KALRN: variants seen among roughly 807,000 people sequenced by gnomAD.
KALRN encodes the protein kalirin.
KALRN carries 70 observed loss-of-function variants against 353.7 expected under a neutral mutation model. The observed-to-expected ratio is 0.20, with a 90% CI of 0.16 to 0.24. The LOEUF is 0.24. Among genes scored for constraint, KALRN ranks in the 10% least tolerant of loss-of-function variants. The pLI, the probability that KALRN is intolerant of heterozygous loss-of-function variation, is 1.00. For missense variants in KALRN, 2,791 were observed against 3,756.7 expected (o/e 0.74, Z 6.72); for synonymous variants, 1,391 against 1,434.8 (o/e 0.97, Z 0.69).
intron 1 of KALRN, among the ~76,000 whole-genome samples, chr3:124,106,658 G>T (rs565601637): frequency 6.6e-6 from 1 of 152,270 alleles, no homozygotes; most frequent in Admixed American, 6.5e-5. Flanking sequence ...TGGAAAATAA[G>T]AAAGATGAAG....
At chr3:124,189,262 G>A (rs2074609602) in intron 1 of KALRN, among the ~76,000 whole-genome samples, 1 of 152,182 alleles carries the variant, frequency 6.6e-6, no homozygotes, top group African/African-American at 2.4e-5. Flanking sequence ...CATGTTCCAG[G>A]GAAGATTGAA....
At chr3:124,655,524 C>A in intron 38 of KALRN, 77 bp from the exon 39 acceptor site, 1 of 1,203,718 alleles carries the variant, frequency 8.3e-7, no homozygotes, top group Non-Finnish European at 1.2e-6. Flanking sequence ...GCCAAAGTAA[C>A]TTTTCTGTGA....
At chr3:124,057,266 C>T (rs1033261186) in intron 1 of KALRN, among the ~76,000 whole-genome samples, 9 of 152,074 alleles carry the variant, frequency 5.9e-5, no homozygotes, top group African/African-American at 2.2e-4. Flanking sequence ...GGTATGAGTA[C>T]ATTATTCTGG....
intron 45 of KALRN, among the ~76,000 whole-genome samples, chr3:124,665,455 A>T (rs955418480): frequency 5.9e-5 from 9 of 152,028 alleles, no homozygotes; most frequent in Non-Finnish European, 1.2e-4. Flanking sequence ...TTAGTTTTTT[A>T]AAATTTATTC....
In KALRN at chr3:124,697,656, G is replaced by A. The variant is rs374214808; in HGVS notation, c.7763G>A (p.Arg2588His). Residue 2588 changes from arginine to histidine, a missense_variant, in exon 55 of 60, where the codon CGC becomes CAC. This residue lies in a region of KALRN where 1,065 missense variants were observed against 1,156.4 expected (regional missense o/e 0.92). Transcript: ENST00000682506. ...AGAAGCTGCACCTCCGTGATTCTCC[G>A]CTGGCTGCCCCCCTCCAGCACAGGA... ...QERSCTSVIL[R>H]WLPPSSTGNC... is the part of the protein sequence containing the mutation. The A allele has an allele frequency of 8.3e-5, 134 of 1,608,744 alleles. No individual in the cohort carries two copies. The highest frequency in any genetic ancestry group is 3.6e-4 in the South Asian group (32 of 89,830).
intron 34 of KALRN, among the ~76,000 whole-genome samples, chr3:124,566,444 G>T (rs969050627): frequency 6.6e-6 from 1 of 151,814 alleles, no homozygotes; most frequent in Non-Finnish European, 1.5e-5. Context: ...GGCTGAGGCT[G>T]CAGTGAGCCA....
intron 34 of KALRN, among the ~76,000 whole-genome samples, chr3:124,601,238 T>C (rs2076773980): frequency 6.6e-6 from 1 of 152,232 alleles, no homozygotes; most frequent in Non-Finnish European, 1.5e-5. Context: ...CTTAGGGTAG[T>C]TCCTGGCTAC....
At chr3:124,271,847 C>T (rs180893192) in intron 5 of KALRN, among the ~76,000 whole-genome samples, 38 of 152,284 alleles carry the variant, frequency 2.5e-4, no homozygotes, top group Middle Eastern at 3.4e-3. Context: ...GCATATGGAC[C>T]CCTTCTCAGA....
chr3:124,334,136 G>A lies in KALRN; in HGVS notation c.1417-129G>A, dbSNP rs2080883383. The A allele has an allele frequency of 1.3e-6, 1 of 775,636 alleles. No homozygotes were observed. Among genetic ancestry groups the A allele is most frequent in the African/African-American group, 1.7e-5 (1 of 58,650 alleles). The allele number at this position is 775,636 out of a possible 1,614,324, so 48.0% of individuals were successfully genotyped here. A position where few individuals can be genotyped will look rare whatever the true frequency, so the allele number is the denominator to read the frequency against. ...CCATGGCAGCTCTGGCTGGCTAGGT[G>A]TCTGGGTATGGAATGCCTGAGATTC... On this transcript the variant is annotated intron_variant, in intron 8 of 59. Coordinates refer to ENST00000682506, the MANE Select transcript of KALRN (RefSeq NM_001388419.1). The surrounding 1 kb of genome is among the most constrained non-coding windows in gnomAD (Gnocchi z 4.2).
intron 6 of KALRN, among the ~76,000 whole-genome samples, chr3:124,302,986 G>A (rs1334093753): frequency 6.6e-6 from 1 of 152,070 alleles, no homozygotes; most frequent in African/African-American, 2.4e-5. Flanking sequence ...GTTTTTAATG[G>A]TACTTGGGGG....
At chr3:124,403,129 C>T (rs563226074) in intron 13 of KALRN, among the ~76,000 whole-genome samples, 6 of 152,312 alleles carry the variant, frequency 3.9e-5, no homozygotes, top group Non-Finnish European at 7.4e-5. Context: ...CTCCTACCTT[C>T]CCCCCTTCCC....
intron 21 of KALRN, among the ~76,000 whole-genome samples, chr3:124,449,472 A>G (rs1013623508): frequency 6.6e-6 from 1 of 152,234 alleles, no homozygotes; most frequent in African/African-American, 2.4e-5. Context: ...CAAAATGTAT[A>G]AGGGGTCAAG....
chr3:124,287,728 G>A (rs1053780625), intron 5 of KALRN, among the ~76,000 whole-genome samples: 1 of 115,738 alleles, frequency 8.6e-6, no homozygotes, highest in African/African-American at 3.3e-5. Context: ...GTTACCTGGA[G>A]AGCTTCTATG....
intron 6 of KALRN, among the ~76,000 whole-genome samples, chr3:124,325,535 T>C (rs1338760614): frequency 6.6e-6 from 1 of 152,124 alleles, no homozygotes; most frequent in African/African-American, 2.4e-5. Flanking sequence ...CTGTTTGTTG[T>C]ATGTAGATGG....
intron 13 of KALRN, among the ~76,000 whole-genome samples, chr3:124,401,517 AAAAT>A (rs895508714): frequency 1.3e-5 from 2 of 152,332 alleles, no homozygotes. Flanking sequence ...AAAAAAATAA[AAAAT>A]AAACAAATAA....
At chr3:124,276,443 G>A (rs1313568534) in intron 5 of KALRN, among the ~76,000 whole-genome samples, 1 of 152,128 alleles carries the variant, frequency 6.6e-6, no homozygotes, top group Non-Finnish European at 1.5e-5. Context: ...AGGACCCAAA[G>A]TCTTATCCTG....
At chr3:124,667,715 A>C (rs572015073) in intron 47 of KALRN, among the ~76,000 whole-genome samples, 21 of 152,348 alleles carry the variant, frequency 1.4e-4, no homozygotes, top group South Asian at 1.0e-3. Context: ...TAATACCCTG[A>C]AACTTCCTAG....
At chr3:124,558,077 C>G (rs1311753118) in intron 33 of KALRN, among the ~76,000 whole-genome samples, 2 of 151,924 alleles carry the variant, frequency 1.3e-5, no homozygotes, top group Non-Finnish European at 2.9e-5. Flanking sequence ...CCCTAGTGAG[C>G]CTCAGGGTCA....
chr3:124,138,503 G>C (rs1402466385), intron 1 of KALRN, among the ~76,000 whole-genome samples: 1 of 152,194 alleles, frequency 6.6e-6, no homozygotes, highest in East Asian at 1.9e-4. Flanking sequence ...CAGACAAGCA[G>C]ATCAAAGAGC....
Sources: allele counts gnomAD v4.1 joint callset (sites outside exome capture counted in the v4.1 genomes callset), GRCh38; gene constraint gnomAD v4.1.1; regional missense constraint gnomAD v4.1.1; non-coding constraint Gnocchi (gnomAD v3.1); transcripts MANE v1.5; gene names NCBI Gene and HGNC (gene_info 2026-07-23, HGNC 2026-07-21).